Variants in CSMD2 observed in about 807,000 individuals in gnomAD.
CSMD2 encodes the protein CUB and sushi domain-containing protein 2.
CSMD2 carries 130 observed loss-of-function variants against 398.5 expected under a neutral mutation model. The ratio of observed to expected loss-of-function variants is 0.33; its 90% confidence interval spans 0.28 to 0.38. The LOEUF (loss-of-function observed/expected upper bound fraction) is 0.38, where lower values mean the gene tolerates loss of function less well. Among genes scored for constraint, CSMD2 ranks in the 10% least tolerant of loss-of-function variants. CSMD2 has a pLI of 1.00. For missense variants in CSMD2, 3,829 were observed against 4,764.9 expected (o/e 0.80, Z 5.78); for synonymous variants, 1,828 against 1,908.5 (o/e 0.96, Z 1.10).
intron 13 of CSMD2, among the ~76,000 whole-genome samples, chr1:33,756,877 A>C (rs1430268623): frequency 2.0e-5 from 3 of 152,202 alleles, no homozygotes; most frequent in African/African-American, 4.8e-5. Flanking sequence ...TTGCGGCATT[A>C]TTCACAATAG....
intron 5 of CSMD2, among the ~76,000 whole-genome samples, chr1:33,886,447 A>G (rs529880057): frequency 2.6e-5 from 4 of 152,202 alleles, no homozygotes; most frequent in Non-Finnish European, 4.4e-5. Flanking sequence ...AAGAGATGGG[A>G]GCAGATGACA....
chr1:34,127,803 G>A lies in CSMD2; in HGVS notation c.187+37108C>T, dbSNP rs536292944. 9.9e-5 allele frequency among the ~76,000 whole-genome samples: 15 copies of A among 152,238 alleles called. No individual in the cohort carries two copies. The South Asian group carries it at 2.5e-3, about 25-fold the overall frequency. ...TGCAGGACTGACCCAGGGCTGGAGCGTGTAGAGACTGAGGGTCCTAGTGGG... is the reference window on the plus strand; with the variant it reads ...TGCAGGACTGACCCAGGGCTGGAGCATGTAGAGACTGAGGGTCCTAGTGGG... On this transcript the variant is annotated intron_variant, in intron 1 of 70. Transcript: ENST00000373381.
In CSMD2 at chr1:33,757,859, C is replaced by T. The variant is rs558392248; in HGVS notation, c.1847-14253G>A. Among the ~76,000 whole-genome samples, 6 of 152,326 alleles carry T rather than the reference C, an allele frequency of 3.9e-5. No homozygotes were observed. The South Asian group carries it at 1.2e-3, about 32-fold the overall frequency. On this transcript the variant is annotated intron_variant, in intron 13 of 70. Transcript: ENST00000373381. ...CAGTATCTCTTGTACTTGTCACATC[C>T]TCATCACATCCCTATTAAGTGGAGG...
chr1:33,783,284 G>A (rs984779182), intron 12 of CSMD2, among the ~76,000 whole-genome samples: 3 of 152,122 alleles, frequency 2.0e-5, no homozygotes, highest in African/African-American at 7.2e-5. Context: ...CCAAATTCCT[G>A]TATTGAGGCT....
At position 33,624,269 on chromosome 1, in the gene CSMD2, C is replaced by T. The variant is rs1448334887; in HGVS notation, c.5625+250G>A. On this transcript the variant is annotated intron_variant, in intron 35 of 70. Transcript: ENST00000373381. This position sits in a 1 kb window ranked among gnomAD's most constrained non-coding sequence, Gnocchi z 4.7. ...CCCACCTCTCCTCCTTCCTGGGTTA[C>T]CCGACTCCCACCGCATGTCCCTGAA... Among the ~76,000 whole-genome samples the T allele has an allele frequency of 6.6e-6, 1 of 152,156 alleles. No homozygotes were observed. Among genetic ancestry groups the T allele is most frequent in the Admixed American group, 6.5e-5 (1 of 15,282 alleles).
chr1:33,846,635 A>G (rs548814387), intron 6 of CSMD2, among the ~76,000 whole-genome samples: 7 of 152,314 alleles, frequency 4.6e-5, no homozygotes, highest in African/African-American at 1.7e-4. Context: ...GGTATTAACT[A>G]TTATGATTAG....
chr1:34,165,597 CAA>C, upstream of CSMD2: 11 of 656,458 alleles, frequency 1.7e-5, no homozygotes, highest in South Asian at 6.0e-5. Flanking sequence ...CACACACACA[CAA>C]ACACACACAC....
intron 5 of CSMD2, among the ~76,000 whole-genome samples, chr1:33,914,085 T>A (rs569525400): frequency 1.3e-4 from 20 of 152,158 alleles, no homozygotes; most frequent in Middle Eastern, 3.4e-3. Flanking sequence ...TGGGGCTTCA[T>A]GAGGAAGCTT....
intron 2 of CSMD2, among the ~76,000 whole-genome samples, chr1:34,085,242 AG>A (rs1246329604): frequency 1.3e-5 from 2 of 151,178 alleles, no homozygotes; most frequent in African/African-American, 4.8e-5. Flanking sequence ...GGGTGGGGTT[AG>A]GGGGGAGGGA....
chr1:33,725,300 C>T (rs756948667), intron 17 of CSMD2, 49 bp downstream of exon 17: 3 of 1,546,648 alleles, frequency 1.9e-6, no homozygotes, highest in Non-Finnish European at 2.7e-6. Context: ...GCCTTTGACC[C>T]ACCTGGGCTG....
At chr1:33,572,457 T>C in intron 50 of CSMD2, 49 bp downstream of exon 50, 1 of 1,440,440 alleles carries the variant, frequency 6.9e-7, no homozygotes, top group Non-Finnish European at 9.3e-7. Context: ...TCTTTCCAGC[T>C]GCCTACCTAG....
At position 33,533,855 on chromosome 1, in the gene CSMD2, G is replaced by C. The variant is rs148658404; in HGVS notation, c.9932C>G (p.Ser3311Cys). 1 of 1,614,102 alleles carries C rather than the reference G, an allele frequency of 6.2e-7. No homozygotes were observed. The highest frequency in any genetic ancestry group is 2.2e-5 in the East Asian group (1 of 44,872). ...GTTTGGGAGGCAGGTCCTGGTGGTG[G>C]AGCCCTGAAGCAGGTAGCCTTTTTG... is the stretch of plus-strand genomic sequence containing the variant. ...RCQKGYLLQGSTTRTCLPNLT... is the reference protein window; with the variant it reads ...RCQKGYLLQGCTTRTCLPNLT... The change falls in exon 63 of 71, where the codon TCC becomes TGC. Residue 3311 changes from serine to cysteine, a missense_variant. By Grantham distance (112) the Ser-to-Cys change is moderately radical. Around this residue, in one of 5 missense-constraint regions of CSMD2, gnomAD observed 917 missense variants for 1,199.5 expected, o/e 0.76. Coordinates refer to ENST00000373381, the MANE Select transcript of CSMD2 (RefSeq NM_001281956.2). This position sits in a 1 kb window ranked among gnomAD's most constrained non-coding sequence, Gnocchi z 4.2.
At chr1:33,995,057 C>T (rs915346871) in intron 3 of CSMD2, among the ~76,000 whole-genome samples, 4 of 147,874 alleles carry the variant, frequency 2.7e-5, no homozygotes, top group Non-Finnish European at 4.5e-5. Flanking sequence ...AGCAAGACTC[C>T]GTCTCAAAAA....
intron 1 of CSMD2, among the ~76,000 whole-genome samples, chr1:34,106,096 T>G (rs948195915): frequency 6.6e-6 from 1 of 151,886 alleles, no homozygotes; most frequent in Non-Finnish European, 1.5e-5. Flanking sequence ...TAATGGGCAG[T>G]AGGGAGTTGG....
intron 53 of CSMD2, among the ~76,000 whole-genome samples, chr1:33,560,167 T>C (rs10914744): frequency 0.12 from 19,005 of 152,218 alleles, 1,515 homozygotes; most frequent in East Asian, 0.23. Flanking sequence ...ATCCCCAACA[T>C]TGCAGGGCTG....
intron 25 of CSMD2, among the ~76,000 whole-genome samples, chr1:33,666,997 G>C (rs982597711): frequency 6.6e-6 from 1 of 152,220 alleles, no homozygotes; most frequent in Non-Finnish European, 1.5e-5. Flanking sequence ...ATAAGACCTG[G>C]AGGCAGAGAG....
At chr1:33,947,344 G>A (rs1411493424) in intron 3 of CSMD2, among the ~76,000 whole-genome samples, 2 of 152,154 alleles carry the variant, frequency 1.3e-5, no homozygotes, top group Admixed American at 6.5e-5. Context: ...TATCCTGCTG[G>A]CTGGTAGGGA....
At chr1:34,159,334 C>CA (rs1334808760) in intron 1 of CSMD2, among the ~76,000 whole-genome samples, 24 of 70,214 alleles carry the variant, frequency 3.4e-4, no homozygotes, top group African/African-American at 1.5e-3. Context: ...GCCTGCCCCC[C>CA]CCCCACCCAG....
At chr1:34,053,406 T>C (rs1653441891) in intron 2 of CSMD2, among the ~76,000 whole-genome samples, 1 of 152,150 alleles carries the variant, frequency 6.6e-6, no homozygotes. Context: ...GACTGGCTCT[T>C]CTTTAGTCCA....
Sources: allele counts gnomAD v4.1 joint callset (sites outside exome capture counted in the v4.1 genomes callset), GRCh38; gene constraint gnomAD v4.1.1; regional missense constraint gnomAD v4.1.1; non-coding constraint Gnocchi (gnomAD v3.1); transcripts MANE v1.5; gene names NCBI Gene and HGNC (gene_info 2026-07-23, HGNC 2026-07-21).